CCDC180: variants seen among roughly 807,000 people sequenced by gnomAD.
CCDC180 encodes the protein coiled-coil domain-containing protein 180.
CCDC180 carries 154 observed loss-of-function variants against 209.2 expected under a neutral mutation model. The observed-to-expected ratio is 0.74, with a 90% CI of 0.65 to 0.84. CCDC180 has a LOEUF of 0.84. CCDC180 is among the 40% of genes least tolerant of loss of function. The pLI is 0.00. For synonymous variants in CCDC180, 778 were observed against 749.1 expected (o/e 1.04, Z -0.63); for missense variants, 1,874 against 1,997.3 (o/e 0.94, Z 1.18).
In CCDC180 at chr9:97,307,962, C is replaced by G. The variant is rs368770897; in HGVS notation, c.-81-21C>G. On this transcript the variant is annotated intron_variant, in intron 1 of 36. Coordinates refer to ENST00000529487, the MANE Select transcript of CCDC180 (RefSeq NM_020893.6). ...CCTGGACCTGAACCTGAGTTTGGGA[C>G]GGGCGATTTCCCAACCTCAGGAATT... is the stretch of plus-strand genomic sequence containing the variant. 2.8e-5 allele frequency: 44 copies of G among 1,581,800 alleles called. No individual in the cohort carries two copies. The African/African-American group carries it at 5.8e-4, about 21-fold the overall frequency.
chr9:97,362,064 C>T (rs1309120635), intron 27 of CCDC180, 132 bp from the exon 28 acceptor site: 3 of 1,400,556 alleles, frequency 2.1e-6, no homozygotes, highest in African/African-American at 2.9e-5. Context: ...CCCAGTTTCT[C>T]ATCTGAAATG....
rs186005345 is a variant in CCDC180, at chr9:97,322,037, G to T, written c.1160-796G>T. Among the ~76,000 whole-genome samples the T allele has an allele frequency of 1.4e-4, 21 of 152,288 alleles. 1 individual carries two copies. Among genetic ancestry groups the T allele is most frequent in the Admixed American group, 1.3e-4 (2 of 15,306 alleles). ...CTCAGTGGAAGGTTCTGAGCTGGGG[G>T]TGATGATGTCAGGGGGCGCAAATGG... On this transcript the variant is annotated intron_variant, in intron 11 of 36. Coordinates refer to ENST00000529487, the MANE Select transcript of CCDC180 (RefSeq NM_020893.6).
At chr9:97,327,062 A>G (rs1833555751) in intron 15 of CCDC180, among the ~76,000 whole-genome samples, 1 of 152,116 alleles carries the variant, frequency 6.6e-6, no homozygotes. Context: ...CCAGCTACTC[A>G]GGAGGCTGAG....
At chr9:97,310,281 G>A (rs1309591843) in intron 3 of CCDC180, among the ~76,000 whole-genome samples, 3 of 152,170 alleles carry the variant, frequency 2.0e-5, no homozygotes, top group Non-Finnish European at 4.4e-5. Context: ...TGTGGGCCTC[G>A]GGTGTCTCTT....
chr9:97,307,520 A>G, upstream of CCDC180: 2 of 607,512 alleles, frequency 3.3e-6, no homozygotes, highest in Non-Finnish European at 5.9e-6. Context: ...CTCAGCACAC[A>G]GTAGGCGCCT....
At chr9:97,333,772 A>G (rs1825822067) in intron 18 of CCDC180, among the ~76,000 whole-genome samples, 1 of 151,614 alleles carries the variant, frequency 6.6e-6, no homozygotes, top group Non-Finnish European at 1.5e-5. Flanking sequence ...TTTTGCTAAC[A>G]GTGATCCAAT....
intron 10 of CCDC180, 69 bp downstream of exon 10, chr9:97,318,651 G>C: frequency 6.3e-7 from 1 of 1,580,586 alleles, no homozygotes; most frequent in Non-Finnish European, 8.6e-7. Context: ...GAAGTGGCCT[G>C]CAGTCTGTCC....
At position 97,347,348 on chromosome 9, in the gene CCDC180, T is replaced by C. The variant is rs746954166; in HGVS notation, c.2533T>C (p.Trp845Arg). 1.4e-5 allele frequency: 22 copies of C among 1,536,070 alleles called. No individual in the cohort carries two copies. Among genetic ancestry groups the C allele is most frequent in the Non-Finnish European group, 1.9e-5 (22 of 1,146,894 alleles). The change falls in exon 20 of 37, where the codon TGG becomes CGG. Residue 845 changes from tryptophan to arginine, a missense_variant. Coordinates refer to ENST00000529487, the MANE Select transcript of CCDC180 (RefSeq NM_020893.6). ...TGGCTTCTTCGAGCACCTTGAGAAGTGGTTTGACCAGTGTTCCCTCAACAC... is the reference window on the plus strand; with the variant it reads ...TGGCTTCTTCGAGCACCTTGAGAAGCGGTTTGACCAGTGTTCCCTCAACAC... The part of the protein sequence containing the change: ...RAGFFEHLEK[W>R]FDQCSLNTRV...
intron 13 of CCDC180, among the ~76,000 whole-genome samples, chr9:97,324,196 C>A (rs1324707354): frequency 6.6e-6 from 1 of 152,164 alleles, no homozygotes; most frequent in Non-Finnish European, 1.5e-5. Flanking sequence ...AATAAGCCCC[C>A]AGCCCAAGAC....
At chr9:97,344,233 A>G (rs1826181621) in intron 19 of CCDC180, among the ~76,000 whole-genome samples, 1 of 152,156 alleles carries the variant, frequency 6.6e-6, no homozygotes, top group Non-Finnish European at 1.5e-5. Flanking sequence ...TCCTGCCTCT[A>G]CAATGTCATA....
intron 2 of CCDC180, 43 bp downstream of exon 2, chr9:97,308,175 C>G: frequency 6.7e-7 from 1 of 1,502,866 alleles, no homozygotes; most frequent in Non-Finnish European, 8.9e-7. Context: ...TCCCCCTTCC[C>G]TTGCTTTCTT....
At chr9:97,353,087 C>A (rs893903372) in intron 22 of CCDC180, among the ~76,000 whole-genome samples, 1 of 152,140 alleles carries the variant, frequency 6.6e-6, no homozygotes, top group African/African-American at 2.4e-5. Context: ...ACCTCCACCT[C>A]CTGGGTTCGA....
chr9:97,357,636 TC>T lies in CCDC180; in HGVS notation c.3276del (p.Asn1093IlefsTer7). 1 of 1,611,824 alleles carries T rather than the reference TC, an allele frequency of 6.2e-7. No individual in the cohort carries two copies. Among genetic ancestry groups the T allele is most frequent in the African/African-American group, 1.3e-5 (1 of 74,880 alleles). On this transcript the variant is annotated frameshift_variant, in exon 25 of 37. Transcript: ENST00000529487. LOFTEE classifies it high-confidence loss of function. Reference protein sequence around the residue: ...QVKIKCQVAKSNSQTNGLNFS... With the variant: ...QVKIKCQVAKXNSQTNGLNFS... ...ACCTCTGGTTTTCTAGGTGGCAAAATCCAATTCGCAAACAAATGGATTAAAT... is the reference window on the plus strand; with the variant it reads ...ACCTCTGGTTTTCTAGGTGGCAAAATCAATTCGCAAACAAATGGATTAAAT...
At chr9:97,316,883 C>A (rs899958252) in intron 8 of CCDC180, among the ~76,000 whole-genome samples, 182 bp from the exon 9 acceptor site, 2 of 152,144 alleles carry the variant, frequency 1.3e-5, no homozygotes. Context: ...CTACTCAGTG[C>A]CAGGAAGCTT....
rs1826901724 is a variant in CCDC180, at chr9:97,365,738, AG to A, written c.4047+1del. The A allele has an allele frequency of 6.2e-7, 1 of 1,613,860 alleles. No individual in the cohort carries two copies. On this transcript the variant is annotated frameshift_variant and splice_region_variant, in exon 30 of 37. Coordinates refer to ENST00000529487, the MANE Select transcript of CCDC180 (RefSeq NM_020893.6). LOFTEE classifies it high-confidence loss of function. Reference sequence around the variant, plus strand: ...AGTGAGAACCTGCTGACAGTCGCAGAGGTGAGGACCACCACCCATGGCCTGT... The same window carrying A: ...AGTGAGAACCTGCTGACAGTCGCAGAGTGAGGACCACCACCCATGGCCTGT... The part of the protein sequence containing the change: ...ESSENLLTVA[E>X]EFYRKEKRPV...
chr9:97,340,571 G>A (rs1826046906), intron 18 of CCDC180, among the ~76,000 whole-genome samples: 1 of 152,112 alleles, frequency 6.6e-6, no homozygotes, highest in African/African-American at 2.4e-5. Flanking sequence ...TCATAACCTG[G>A]AAAAACCAGG....
Position 97,366,550 on chromosome 9 carries a change from C to G in CCDC180, c.4048-9C>G, listed in dbSNP as rs1826926652. ...GTCCTCACCCGCACATGGTCACCCT[C>G]TCTGGCAGGAGTTCTACCGTAAAGA... On this transcript the variant is annotated splice_polypyrimidine_tract_variant and intron_variant, in intron 30 of 36. Coordinates refer to ENST00000529487, the MANE Select transcript of CCDC180 (RefSeq NM_020893.6). The surrounding 1 kb of genome is among the most constrained non-coding windows in gnomAD (Gnocchi z 4.3). 1 of 1,613,572 alleles carries G rather than the reference C, an allele frequency of 6.2e-7. No individual in the cohort carries two copies. The highest frequency in any genetic ancestry group is 8.5e-7 in the Non-Finnish European group (1 of 1,179,676).
chr9:97,366,432 A>T lies in CCDC180; in HGVS notation c.4048-127A>T. ...GGAAGGAGGAGTGTCTGCTCGTGTC[A>T]CTTCCACAGGGGATGCCACGAGCAA... On this transcript the variant is annotated intron_variant, in intron 30 of 36. Transcript: ENST00000529487. The surrounding 1 kb of genome is among the most constrained non-coding windows in gnomAD (Gnocchi z 4.3). 1.1e-6 allele frequency: 1 copy of T among 950,648 alleles called. No homozygotes were observed. Among genetic ancestry groups the T allele is most frequent in the Non-Finnish European group, 1.6e-6 (1 of 640,198 alleles). The allele number at this position is 950,648 out of a possible 1,614,324, so 58.9% of individuals were successfully genotyped here. A position where few individuals can be genotyped will look rare whatever the true frequency, so the allele number is the denominator to read the frequency against.
At chr9:97,328,331 T>C (rs1289037753) in intron 16 of CCDC180, among the ~76,000 whole-genome samples, 185 bp downstream of exon 16, 1 of 152,216 alleles carries the variant, frequency 6.6e-6, no homozygotes, top group Non-Finnish European at 1.5e-5. Flanking sequence ...TAAAAGAGGC[T>C]GAAGGGTTCA....
Sources: gnomAD v4.1 joint callset for allele counts (sites outside exome capture counted in the v4.1 genomes callset) on GRCh38, gnomAD v4.1.1 for gene constraint, Gnocchi (gnomAD v3.1) non-coding constraint, MANE v1.5 for transcripts, NCBI Gene and HGNC (gene_info 2026-07-23, HGNC 2026-07-21) for gene names.